The following SGMS1 variants were observed in gnomAD, a reference collection of about 807,000 sequenced individuals.
SGMS1 encodes the protein phosphatidylcholine:ceramide cholinephosphotransferase 1.
A neutral mutation model predicts 46.2 loss-of-function variants in SGMS1; 13 were observed. That is an observed-to-expected ratio of 0.28 (90% CI 0.18 to 0.45). SGMS1 has a LOEUF of 0.45. Among genes scored for constraint, SGMS1 ranks in the 20% least tolerant of loss-of-function variants. The pLI is 1.00. For synonymous variants in SGMS1, 203 were observed against 187.8 expected, an observed-to-expected ratio of 1.08 and a Z score of -0.66; for missense variants, 324 against 519.9, an observed-to-expected ratio of 0.62 and a Z score of 3.66.
At chr10:50,532,008 A>G (rs1837957683) in intron 2 of SGMS1, among the ~76,000 whole-genome samples, 1 of 152,166 alleles carries the variant, frequency 6.6e-6, no homozygotes. Flanking sequence ...TGCACACAGA[A>G]GGCCCTTGAA....
intron 6 of SGMS1, among the ~76,000 whole-genome samples, chr10:50,382,431 C>T (rs1365586815): frequency 6.6e-6 from 1 of 152,024 alleles, no homozygotes; most frequent in African/African-American, 2.4e-5. Flanking sequence ...CCCCTGGTGA[C>T]TTAACAATTC....
At chr10:50,621,021 A>G (rs1012520025) in intron 1 of SGMS1, among the ~76,000 whole-genome samples, 1 of 152,070 alleles carries the variant, frequency 6.6e-6, no homozygotes, top group Non-Finnish European at 1.5e-5. Flanking sequence ...CTATCTCTAT[A>G]AAAAAGTAGC....
intron 1 of SGMS1, among the ~76,000 whole-genome samples, chr10:50,620,792 G>A (rs2131947540): frequency 6.6e-6 from 1 of 152,334 alleles, no homozygotes; most frequent in East Asian, 1.9e-4. Context: ...TTCTATAGCA[G>A]CACTTTTCAG....
At chr10:50,308,208 C>T in intron 9 of SGMS1, 60 bp from the exon 10 acceptor site, 1 of 1,471,492 alleles carries the variant, frequency 6.8e-7, no homozygotes. Flanking sequence ...GGGCACCCAA[C>T]TATGCCTCTA....
intron 7 of SGMS1, chr10:50,340,410 C>A (rs1436968352): frequency 6.6e-6 from 1 of 152,192 alleles, no homozygotes; most frequent in Non-Finnish European, 1.5e-5. Context: ...AAGTCTGACA[C>A]AAATGCAGAG....
chr10:50,462,090 C>T (rs1837272616), intron 4 of SGMS1, among the ~76,000 whole-genome samples: 2 of 151,528 alleles, frequency 1.3e-5, no homozygotes, highest in South Asian at 4.2e-4. Flanking sequence ...AACGAGACCT[C>T]ATATCTACAA....
intron 1 of SGMS1, among the ~76,000 whole-genome samples, chr10:50,596,175 A>ATTTTT (rs71457582): frequency 7.2e-6 from 1 of 139,718 alleles, no homozygotes; most frequent in East Asian, 2.1e-4. Context: ...TTGTATCACG[A>ATTTTT]TTTTTTTTTT....
intron 2 of SGMS1, among the ~76,000 whole-genome samples, chr10:50,559,109 C>T (rs1299850178): frequency 1.3e-5 from 2 of 152,136 alleles, no homozygotes; most frequent in African/African-American, 4.8e-5. Context: ...TGATCTAAAA[C>T]AGGTTATGAT....
chr10:50,410,014 T>C (rs1426611491), intron 6 of SGMS1, among the ~76,000 whole-genome samples: 1 of 152,214 alleles, frequency 6.6e-6, no homozygotes, highest in Non-Finnish European at 1.5e-5. Context: ...TGTAGTTGTT[T>C]AGTAATCTGT....
rs560377578 is a variant in SGMS1 at position 50,331,941 on chromosome 10, G to T, written c.624-4619C>A. Among the ~76,000 whole-genome samples the T allele has an allele frequency of 1.5e-4, 23 of 152,202 alleles. No homozygotes were observed. In the South Asian group the frequency reaches 4.4e-3, roughly 29 times the overall value. On this transcript the variant is annotated intron_variant, in intron 7 of 10. Coordinates refer to ENST00000361781, the MANE Select transcript of SGMS1 (RefSeq NM_147156.4). ...AGCTTGGACTTCCAGCATCCAGAATGCTGTAACTCACCCAGTCTACGATAT... is the reference window on the plus strand; with the variant it reads ...AGCTTGGACTTCCAGCATCCAGAATTCTGTAACTCACCCAGTCTACGATAT...
At chr10:50,312,301 G>C (rs1465742890) in intron 8 of SGMS1, among the ~76,000 whole-genome samples, 1 of 148,366 alleles carries the variant, frequency 6.7e-6, no homozygotes, top group East Asian at 2.0e-4. Flanking sequence ...TCTGATTAAG[G>C]ATGGAAGGAT....
intron 5 of SGMS1, among the ~76,000 whole-genome samples, chr10:50,440,270 T>TAA (rs199536570): frequency 1.3e-4 from 20 of 148,788 alleles, no homozygotes; most frequent in African/African-American, 4.7e-4. Context: ...CAACCCAAAT[T>TAA]AAAAAATATA....
In SGMS1 at chr10:50,510,609, TG is replaced by T. The variant is rs1837744853; in HGVS notation, c.-498+9221del. On this transcript the variant is annotated intron_variant, in intron 3 of 10. Coordinates refer to ENST00000361781, the MANE Select transcript of SGMS1 (RefSeq NM_147156.4). ...TAATAGATGTGTAGTGGTATCTCTG[TG>T]TTTTTTTTTTACTTTTGATTTTGAA... 2.6e-4 allele frequency among the ~76,000 whole-genome samples: 12 copies of T among 45,578 alleles called. No homozygotes were observed. In the South Asian group the frequency reaches 7.0e-3, roughly 27 times the overall value. 29.9% of individuals were successfully genotyped at this position (45,578 alleles called of 152,430 possible). A position where few individuals can be genotyped will look rare whatever the true frequency, so the allele number is the denominator to read the frequency against.
intron 6 of SGMS1, among the ~76,000 whole-genome samples, chr10:50,365,740 A>G (rs541422226): frequency 6.6e-6 from 1 of 152,332 alleles, no homozygotes; most frequent in South Asian, 2.1e-4. Context: ...AGCTTCATCC[A>G]CGTCCCTGCA....
intron 2 of SGMS1, among the ~76,000 whole-genome samples, chr10:50,561,975 C>A (rs1403571317): frequency 6.6e-6 from 1 of 152,156 alleles, no homozygotes; most frequent in Non-Finnish European, 1.5e-5. Context: ...AGCATATCTT[C>A]ATCTGGGTTC....
At chr10:50,624,478 T>C (rs1404735546), upstream of SGMS1, 2 of 594,264 alleles carry the variant, frequency 3.4e-6, no homozygotes, top group Admixed American at 1.3e-4. Flanking sequence ...TAGACTCTCA[T>C]CTTTCTCCCA....
intron 6 of SGMS1, among the ~76,000 whole-genome samples, chr10:50,350,901 G>T (rs1469708163): frequency 6.6e-6 from 1 of 152,182 alleles, no homozygotes; most frequent in Non-Finnish European, 1.5e-5. Flanking sequence ...AGTTCCTACT[G>T]GGGTACTGCC....
intron 2 of SGMS1, among the ~76,000 whole-genome samples, chr10:50,529,181 C>T (rs2133801331): frequency 6.6e-6 from 1 of 152,288 alleles, no homozygotes; most frequent in East Asian, 1.9e-4. Flanking sequence ...AACATGCTTA[C>T]CACCAATATT....
intron 1 of SGMS1, among the ~76,000 whole-genome samples, chr10:50,602,133 G>A (rs1455558438): frequency 1.3e-5 from 2 of 152,218 alleles, no homozygotes; most frequent in Non-Finnish European, 2.9e-5. Context: ...TGATAACAGA[G>A]TTCAGGTAAC....
Sources: allele counts gnomAD v4.1 joint callset (sites outside exome capture counted in the v4.1 genomes callset), GRCh38; gene constraint gnomAD v4.1.1; transcripts MANE v1.5; gene names NCBI Gene and HGNC (gene_info 2026-07-23, HGNC 2026-07-21).